PTPRO: variants seen among roughly 807,000 people sequenced by gnomAD.
PTPRO encodes receptor-type tyrosine-protein phosphatase O.
A neutral mutation model predicts 145.2 loss-of-function variants in PTPRO; 62 were observed. The ratio of observed to expected loss-of-function variants is 0.43; its 90% CI spans 0.35 to 0.53. The LOEUF is 0.53. PTPRO is among the 20% of genes least tolerant of loss of function. PTPRO has a pLI of 0.01. For synonymous variants in PTPRO, 565 were observed against 514.7 expected (o/e 1.10, Z -1.32); for missense variants, 1,345 against 1,482.7 (o/e 0.91, Z 1.53).
chr12:15,365,967 A>G (rs1213727279), intron 1 of PTPRO, among the ~76,000 whole-genome samples: 1 of 152,176 alleles, frequency 6.6e-6, no homozygotes, highest in Non-Finnish European at 1.5e-5. Flanking sequence ...CCTTCAAGTA[A>G]TTTATAGCTA....
At chr12:15,587,703 A>G (rs1944459276) in intron 24 of PTPRO, among the ~76,000 whole-genome samples, 1 of 152,248 alleles carries the variant, frequency 6.6e-6, no homozygotes, top group Non-Finnish European at 1.5e-5. Context: ...TACTGTATGA[A>G]CAGAGCTCCA....
chr12:15,391,201 A>T (rs1399847495), intron 1 of PTPRO, among the ~76,000 whole-genome samples: 4 of 152,196 alleles, frequency 2.6e-5, no homozygotes, highest in African/African-American at 9.7e-5. Flanking sequence ...CAGATCCAAA[A>T]TGCCTTTTAT....
At chr12:15,510,885 A>G (rs533713204) in intron 7 of PTPRO, among the ~76,000 whole-genome samples, 19 of 151,608 alleles carry the variant, frequency 1.3e-4, no homozygotes, top group African/African-American at 3.1e-4. Flanking sequence ...AGTCCATCAT[A>G]TACAGGTGCA....
intron 1 of PTPRO, among the ~76,000 whole-genome samples, chr12:15,462,887 G>A (rs1039561696): frequency 1.3e-5 from 2 of 151,984 alleles, no homozygotes; most frequent in African/African-American, 2.4e-5. Flanking sequence ...AAGCTAAATG[G>A]AATACTTAAA....
At chr12:15,515,453 G>A in intron 7 of PTPRO, 45 bp from the exon 8 acceptor site, 1 of 1,609,726 alleles carries the variant, frequency 6.2e-7, no homozygotes, top group South Asian at 1.1e-5. Context: ...GTAACATTCT[G>A]AAATCCCAGC....
At chr12:15,581,173 G>C (rs1395749057) in intron 22 of PTPRO, among the ~76,000 whole-genome samples, 23 of 152,104 alleles carry the variant, frequency 1.5e-4, no homozygotes, top group Admixed American at 1.5e-3. Flanking sequence ...TAGTCTCAGA[G>C]TCCCAACAGG....
chr12:15,514,850 C>T (rs776769571), intron 7 of PTPRO, among the ~76,000 whole-genome samples: 1 of 152,024 alleles, frequency 6.6e-6, no homozygotes, highest in Non-Finnish European at 1.5e-5. Context: ...TGCACCTCTG[C>T]CTCCTGGGTT....
At chr12:15,538,600 C>A (rs1943115844) in intron 12 of PTPRO, among the ~76,000 whole-genome samples, 1 of 152,154 alleles carries the variant, frequency 6.6e-6, no homozygotes, top group Non-Finnish European at 1.5e-5. Context: ...TGATTCTCTC[C>A]AATGTATTGG....
chr12:15,533,313 G>A (rs955634250), intron 12 of PTPRO, among the ~76,000 whole-genome samples: 10 of 152,052 alleles, frequency 6.6e-5, no homozygotes, highest in African/African-American at 2.2e-4. Context: ...AATATCAAAT[G>A]GAATATTGTT....
At chr12:15,440,092 T>A in intron 1 of PTPRO, 1 of 631,036 alleles carries the variant, frequency 1.6e-6, no homozygotes, top group Non-Finnish European at 2.9e-6. Flanking sequence ...GCTGCAGCTC[T>A]GTGCTGGTGC....
intron 23 of PTPRO, among the ~76,000 whole-genome samples, chr12:15,584,712 A>G: frequency 6.6e-6 from 1 of 152,194 alleles, no homozygotes; most frequent in South Asian, 2.1e-4. Flanking sequence ...ACATTGTGCT[A>G]TGCTAATTAA....
intron 1 of PTPRO, among the ~76,000 whole-genome samples, chr12:15,379,560 G>A (rs1427152071): frequency 1.3e-5 from 2 of 148,196 alleles, no homozygotes; most frequent in African/African-American, 2.5e-5. Flanking sequence ...AAAGATGAAT[G>A]GAGAGACAAA....
rs1243339611 is a variant in PTPRO at position 15,560,140 on chromosome 12, C to T, written c.2628-53C>T. On this transcript the variant is annotated intron_variant, in intron 16 of 26. Transcript: ENST00000281171. The stretch of plus-strand genomic sequence containing the variant: ...TGATATCTATTCACAGTTTATATTA[C>T]TAACTCTTGCAACTTTTTCATCTTT... 7 of 1,327,578 alleles carry T rather than the reference C, an allele frequency of 5.3e-6. 1 individual carries two copies. Among genetic ancestry groups the T allele is most frequent in the Middle Eastern group, 1.8e-4 (1 of 5,516 alleles). 82.2% of individuals were successfully genotyped at this position (1,327,578 alleles called of 1,614,324 possible).
chr12:15,494,568 A>G (rs894361840), intron 2 of PTPRO, among the ~76,000 whole-genome samples: 1 of 152,250 alleles, frequency 6.6e-6, no homozygotes, highest in African/African-American at 2.4e-5. Flanking sequence ...TTAGACATCA[A>G]CAGGATTTAC....
At chr12:15,519,106 G>A (rs1197899436) in intron 9 of PTPRO, among the ~76,000 whole-genome samples, 1 of 152,204 alleles carries the variant, frequency 6.6e-6, no homozygotes, top group Non-Finnish European at 1.5e-5. Context: ...ACAGTTCCAC[G>A]TGGCTGGGGA....
At chr12:15,511,521 T>A (rs962882477) in intron 7 of PTPRO, among the ~76,000 whole-genome samples, 2 of 152,214 alleles carry the variant, frequency 1.3e-5, no homozygotes, top group African/African-American at 4.8e-5. Flanking sequence ...AAGTATAATA[T>A]CCCTAGGATA....
chr12:15,384,755 A>G (rs1316248285), intron 1 of PTPRO, among the ~76,000 whole-genome samples: 1 of 152,350 alleles, frequency 6.6e-6, no homozygotes, highest in South Asian at 2.1e-4. Flanking sequence ...TGTTAATACA[A>G]TAAAGAATTT....
chr12:15,359,606 A>G (rs1938111455), intron 1 of PTPRO, among the ~76,000 whole-genome samples: 1 of 151,568 alleles, frequency 6.6e-6, no homozygotes, highest in African/African-American at 2.4e-5. Context: ...TTTAGTAGAG[A>G]TGGAGTTTCA....
chr12:15,576,974 A>G (rs1007801798), intron 19 of PTPRO, among the ~76,000 whole-genome samples: 4 of 152,192 alleles, frequency 2.6e-5, no homozygotes, highest in African/African-American at 7.2e-5. Flanking sequence ...ACTAACCTAA[A>G]CATCACACTG....
Sources: gnomAD v4.1 joint callset for allele counts (sites outside exome capture counted in the v4.1 genomes callset) on GRCh38, gnomAD v4.1.1 for gene constraint, MANE v1.5 for transcripts, NCBI Gene and HGNC (gene_info 2026-07-23, HGNC 2026-07-21) for gene names.